Variants in ZDHHC9 observed in about 807,000 individuals in gnomAD.
The protein encoded by ZDHHC9 is zDHHC palmitoyltransferase 9, also known as palmitoyltransferase ZDHHC9.
Under a neutral mutation model 26.6 loss-of-function variants are expected in ZDHHC9, and 3 were observed. The observed-to-expected ratio is 0.11, with a 90% CI of 0.05 to 0.29. The LOEUF (loss-of-function observed/expected upper bound fraction) is 0.29. Among genes scored for constraint, ZDHHC9 ranks in the 10% least tolerant of loss-of-function variants. The probability of loss-of-function intolerance (pLI) is 1.00; values close to 1 mark genes in which losing one functional copy is unlikely to be tolerated. For missense variants in ZDHHC9, 146 were observed against 296.4 expected (o/e 0.49, Z 3.73); for synonymous variants, 111 against 109.4 (o/e 1.01, Z -0.09).
At chrX:129,824,679 T>C (rs757938680) in intron 4 of ZDHHC9, among the ~76,000 whole-genome samples, 18 of 112,012 alleles carry the variant, frequency 1.6e-4, no homozygotes, top group South Asian at 3.7e-4. Context: ...ATACGAAAGA[T>C]GTTTATATAA....
chrX:129,819,362 A>G (rs984454104), intron 5 of ZDHHC9, among the ~76,000 whole-genome samples: 2 of 110,428 alleles, frequency 1.8e-5, no homozygotes, highest in African/African-American at 6.6e-5. Flanking sequence ...ACAGTATTTT[A>G]AATCACATTT....
chrX:129,823,692 A>G lies in ZDHHC9; in HGVS notation c.474T>C (p.Cys158=), dbSNP rs1927944331. ...AGTTTTACTCACCCACACAGTTGTC[A>G]CAGATGCTGCAATGGGAGGCCCGGG... ...RPPRASHCSI[C]DNCVERFDHH... The change falls in exon 5 of 11, where the codon TGT becomes TGC. Residue 158 remains cysteine (C), a synonymous_variant. Transcript: ENST00000357166. 1 of 1,211,223 alleles carries G rather than the reference A, an allele frequency of 8.3e-7. No homozygotes were observed. Among genetic ancestry groups the G allele is most frequent in the Non-Finnish European group, 1.1e-6 (1 of 895,511 alleles).
chrX:129,820,425 CAAAA>C (rs72086397), intron 5 of ZDHHC9, among the ~76,000 whole-genome samples: 3 of 64,854 alleles, frequency 4.6e-5, no homozygotes, highest in African/African-American at 1.3e-4. Context: ...ACAAAAAATA[CAAAA>C]AAAAAAAAAA....
chrX:129,836,974 A>T, intron 3 of ZDHHC9, among the ~76,000 whole-genome samples: 1 of 112,152 alleles, frequency 8.9e-6, no homozygotes, highest in Middle Eastern at 4.6e-3. Context: ...CCATAGCCAA[A>T]GGGTAACAAT....
chrX:129,841,645 T>C (rs1928383719), intron 3 of ZDHHC9, 134 bp downstream of exon 3: 1 of 775,177 alleles, frequency 1.3e-6, no homozygotes, highest in Non-Finnish European at 1.9e-6. Flanking sequence ...TGAATTCAGC[T>C]GGCATCTCTA....
At chrX:129,814,821 G>A in intron 5 of ZDHHC9, 26 bp from the exon 6 acceptor site, 1 of 1,208,316 alleles carries the variant, frequency 8.3e-7, no homozygotes, top group Non-Finnish European at 1.1e-6. Context: ...AGAGTCCAAA[G>A]CCAAAAGCCT....
chrX:129,815,223 G>A (rs1927733048), intron 5 of ZDHHC9, among the ~76,000 whole-genome samples: 3 of 111,975 alleles, frequency 2.7e-5, no homozygotes, highest in African/African-American at 9.7e-5. Flanking sequence ...TCAATGGAAT[G>A]GAAAGAGCCC....
chrX:129,830,020 T>C (rs1928106851), intron 3 of ZDHHC9, among the ~76,000 whole-genome samples: 1 of 112,025 alleles, frequency 8.9e-6, no homozygotes, highest in Non-Finnish European at 1.9e-5. Context: ...GATCCTACTA[T>C]ACCCATTTGA....
intron 3 of ZDHHC9, 141 bp from the exon 4 acceptor site, chrX:129,829,282 C>T: frequency 1.4e-6 from 1 of 693,202 alleles, no homozygotes; most frequent in Non-Finnish European, 2.2e-6. Flanking sequence ...CTTGAATTAC[C>T]CCAAACCCCT....
At chrX:129,815,854 C>T (rs1402949529) in intron 5 of ZDHHC9, among the ~76,000 whole-genome samples, 2 of 111,653 alleles carry the variant, frequency 1.8e-5, no homozygotes, top group African/African-American at 6.5e-5. Context: ...AAATAATAGT[C>T]AAAAGTTACT....
intron 7 of ZDHHC9, 38 bp from the exon 8 acceptor site, chrX:129,812,858 CAGG>C: frequency 3.9e-6 from 4 of 1,014,077 alleles, no homozygotes; most frequent in Non-Finnish European, 5.6e-6. Flanking sequence ...AACTCAACAT[CAGG>C]AGACTTGATG....
rs1456836717 is a variant in ZDHHC9, at chrX:129,843,871, A to G, written c.-379T>C. On this transcript the variant is annotated 5_prime_UTR_variant, in exon 1 of 11. Coordinates refer to ENST00000357166, the MANE Select transcript of ZDHHC9 (RefSeq NM_016032.4). Reference sequence around the variant, plus strand: ...CCTAAACCAGCTGTGGCAACCGCCCACCACTGGCCAAATGGAACGCTCCTC... The same window carrying G: ...CCTAAACCAGCTGTGGCAACCGCCCGCCACTGGCCAAATGGAACGCTCCTC... 1.8e-5 allele frequency: 2 copies of G among 111,819 alleles called. No homozygotes were observed. Among genetic ancestry groups the G allele is most frequent in the African/African-American group, 6.5e-5 (2 of 30,747 alleles). The allele number at this position is 111,819 out of a possible 1,213,427, so 9.2% of individuals were successfully genotyped here.
At chrX:129,822,689 T>C (rs1352683929) in intron 5 of ZDHHC9, among the ~76,000 whole-genome samples, 2 of 111,557 alleles carry the variant, frequency 1.8e-5, no homozygotes, top group Admixed American at 9.6e-5. Flanking sequence ...CTTTTTAGTA[T>C]ACACGCTGCC....
chrX:129,811,052 C>T (rs778140776), intron 9 of ZDHHC9, 51 bp from the exon 10 acceptor site: 1 of 1,088,542 alleles, frequency 9.2e-7, no homozygotes, highest in Admixed American at 2.2e-5. Flanking sequence ...CCCCTCCACC[C>T]ACCTGGCCTA....
chrX:129,812,688 T>C, intron 8 of ZDHHC9, 30 bp downstream of exon 8: 10 of 1,105,254 alleles, frequency 9.0e-6, no homozygotes, highest in Non-Finnish European at 1.3e-5. Context: ...AAGAAGAATA[T>C]GTGGTGAGGA....
intron 5 of ZDHHC9, among the ~76,000 whole-genome samples, chrX:129,818,300 T>A (rs999653721): frequency 9.0e-6 from 1 of 111,637 alleles, no homozygotes; most frequent in Non-Finnish European, 1.9e-5. Context: ...GAGAGAAAAA[T>A]TCCCATTGTT....
chrX:129,822,643 G>A (rs767401157), intron 5 of ZDHHC9, among the ~76,000 whole-genome samples: 112 of 110,775 alleles, frequency 1.0e-3, no homozygotes, highest in Non-Finnish European at 1.7e-3. Flanking sequence ...AATAAAATGG[G>A]TTTTGATTTA....
intron 10 of ZDHHC9, among the ~76,000 whole-genome samples, chrX:129,807,177 T>G (rs1475181361): frequency 1.8e-5 from 2 of 112,502 alleles, no homozygotes; most frequent in African/African-American, 6.4e-5. Flanking sequence ...CCGGGCGCGG[T>G]GGCTCACGCC....
Position 129,812,814 on chromosome X carries a change from T to C in ZDHHC9, c.681A>G (p.Leu227=), listed in dbSNP as rs1355307045. ...GTGTAAAGAAGCAAATGAGGACTTC[T>C]AGAACAGTGAGGTGTGGTTAAGGAG... ...ETLKETPGTV[L]EVLICFFTLW... is the part of the protein sequence containing the mutation. Residue 227 remains leucine, a synonymous_variant, in exon 8 of 11, where the codon CTA becomes CTG. Coordinates refer to ENST00000357166, the MANE Select transcript of ZDHHC9 (RefSeq NM_016032.4). 3 of 1,199,005 alleles carry C rather than the reference T, an allele frequency of 2.5e-6. No homozygotes were observed. Among genetic ancestry groups the C allele is most frequent in the East Asian group, 3.0e-5 (1 of 33,784 alleles).
Sources: allele counts gnomAD v4.1 joint callset (sites outside exome capture counted in the v4.1 genomes callset), GRCh38; gene constraint gnomAD v4.1.1; transcripts MANE v1.5; gene names NCBI Gene and HGNC (gene_info 2026-07-23, HGNC 2026-07-21).